Variants in TSC22D1 observed in about 807,000 individuals in gnomAD.
The protein encoded by TSC22D1 is TSC22 domain family protein 1.
Under a neutral mutation model 74.2 loss-of-function variants are expected in TSC22D1, and 9 were observed. The ratio of observed to expected loss-of-function variants is 0.12; its 90% CI spans 0.07 to 0.21. The LOEUF is 0.21. TSC22D1 is among the 10% of genes least tolerant of loss of function. The probability of loss-of-function intolerance (pLI) is 1.00; values close to 1 mark genes in which losing one functional copy is unlikely to be tolerated. For synonymous variants in TSC22D1, 586 were observed against 492.5 expected, an observed-to-expected ratio of 1.19 and a Z score of -2.51; for missense variants, 1,427 against 1,304.7, an observed-to-expected ratio of 1.09 and a Z score of -1.44.
At chr13:44,480,438 T>A (rs1878123875) in intron 1 of TSC22D1, among the ~76,000 whole-genome samples, 1 of 151,234 alleles carries the variant, frequency 6.6e-6, no homozygotes, top group Non-Finnish European at 1.5e-5. Flanking sequence ...AAGATTCTAA[T>A]GAAAGAAATA....
At chr13:44,550,079 A>G (rs973601320) in intron 1 of TSC22D1, among the ~76,000 whole-genome samples, 2 of 152,236 alleles carry the variant, frequency 1.3e-5, no homozygotes, top group African/African-American at 4.8e-5. Flanking sequence ...GTTGCCAAAA[A>G]GAAAATGAAA....
At chr13:44,458,359 T>C (rs1032649498) in intron 1 of TSC22D1, among the ~76,000 whole-genome samples, 1 of 152,230 alleles carries the variant, frequency 6.6e-6, no homozygotes, top group African/African-American at 2.4e-5. Context: ...TAGAGCCTAA[T>C]TCAAATTTCC....
intron 1 of TSC22D1, chr13:44,538,442 G>C (rs1881278978): frequency 1.0e-6 from 1 of 985,184 alleles, no homozygotes; most frequent in South Asian, 4.7e-5. Context: ...ATTTCATTAA[G>C]TTTTCTGGAC....
chr13:44,558,742 AAAAAT>A (rs1389240584), intron 1 of TSC22D1, among the ~76,000 whole-genome samples: 2 of 152,168 alleles, frequency 1.3e-5, no homozygotes, highest in Non-Finnish European at 2.9e-5. Flanking sequence ...TCCATCTCAA[AAAAAT>A]AAAATAAAAT....
chr13:44,575,384 G>A lies in TSC22D1; in HGVS notation c.691C>T (p.His231Tyr). The A allele has an allele frequency of 6.2e-7, 1 of 1,613,992 alleles. No individual in the cohort carries two copies. Among genetic ancestry groups the A allele is most frequent in the Non-Finnish European group, 8.5e-7 (1 of 1,179,958 alleles). Reference sequence around the variant, plus strand: ...GGATGGTGGTGACCATGTTGGAGGTGGTGCCCATGATGAATCTGATGGTGG... The same window carrying A: ...GGATGGTGGTGACCATGTTGGAGGTAGTGCCCATGATGAATCTGATGGTGG... ...HHHHQIHHGHHLQHGHHHPSH... is the reference protein window; with the variant it reads ...HHHHQIHHGHYLQHGHHHPSH... Residue 231 changes from histidine to tyrosine, a missense_variant, in exon 1 of 3, where the codon CAC becomes TAC. Around this residue, in one of 3 missense-constraint regions of TSC22D1, gnomAD observed 1,343 missense variants for 1,191.5 expected, o/e 1.13. Coordinates refer to ENST00000458659, the MANE Select transcript of TSC22D1 (RefSeq NM_183422.4).
At chr13:44,545,398 A>G (rs772747249) in intron 1 of TSC22D1, among the ~76,000 whole-genome samples, 1 of 152,100 alleles carries the variant, frequency 6.6e-6, no homozygotes, top group Non-Finnish European at 1.5e-5. Flanking sequence ...AAAGGCTAGT[A>G]TATGTCATTA....
At position 44,575,835 on chromosome 13, in the gene TSC22D1, C is replaced by T. The variant is rs371487971; in HGVS notation, c.240G>A (p.Pro80=). The change falls in exon 1 of 3, where the codon CCG becomes CCA. Residue 80 remains proline, a synonymous_variant. Coordinates refer to ENST00000458659, the MANE Select transcript of TSC22D1 (RefSeq NM_183422.4). ...AASSTSGPQP[P]PPQSLNLLSQ... ...AAAGGAGGTTCAGGCTTTGTGGAGG[C>T]GGAGGCTGTGGTCCCGACGTAGAAG... 22 of 1,613,730 alleles carry T rather than the reference C, an allele frequency of 1.4e-5. No homozygotes were observed. In the African/African-American group the frequency reaches 2.5e-4, roughly 19 times the overall value.
At chr13:44,509,043 A>G (rs1348378142) in intron 1 of TSC22D1, among the ~76,000 whole-genome samples, 1 of 152,208 alleles carries the variant, frequency 6.6e-6, no homozygotes, top group African/African-American at 2.4e-5. Flanking sequence ...TTAATAAGCC[A>G]TACTCATTGA....
At chr13:44,492,852 A>C (rs569934209) in intron 1 of TSC22D1, among the ~76,000 whole-genome samples, 1 of 152,278 alleles carries the variant, frequency 6.6e-6, no homozygotes, top group South Asian at 2.1e-4. Flanking sequence ...GACAAAAAAA[A>C]CTTCTTAAAA....
In TSC22D1 at chr13:44,434,763, T is replaced by C; in HGVS notation, c.3085A>G (p.Thr1029Ala). 6.2e-7 allele frequency: 1 copy of C among 1,614,028 alleles called. No individual in the cohort carries two copies. The highest frequency in any genetic ancestry group is 1.1e-5 in the South Asian group (1 of 91,078). The change falls in exon 3 of 3, where the codon ACA (threonine) becomes GCA (alanine). Residue 1029 changes from threonine to alanine, a missense_variant. This residue lies in a region of TSC22D1 where 21 missense variants were observed against 62.7 expected (regional missense o/e 0.34). Transcript: ENST00000458659. ...GCAAGCTGCTCAGGACTGGCCAGTG[T>C]CTTCAGCAGATTGTTCTCCTGCTCC... is the stretch of plus-strand genomic sequence containing the variant. ...QLEQENNLLK[T>A]LASPEQLAQF... is the part of the protein sequence containing the mutation.
chr13:44,555,436 T>C (rs1658263769), intron 1 of TSC22D1, among the ~76,000 whole-genome samples: 1 of 151,924 alleles, frequency 6.6e-6, no homozygotes, highest in African/African-American at 2.4e-5. Context: ...GTGAACTCTG[T>C]CTCTACTAAA....
At chr13:44,539,087 T>C in intron 1 of TSC22D1, 1 of 985,310 alleles carries the variant, frequency 1.0e-6, no homozygotes, top group Middle Eastern at 5.2e-4. Flanking sequence ...CTTAATGCCA[T>C]GGGGGAAATC....
At chr13:44,547,047 C>A (rs1881873662) in intron 1 of TSC22D1, among the ~76,000 whole-genome samples, 2 of 151,978 alleles carry the variant, frequency 1.3e-5, no homozygotes. Flanking sequence ...CAGGCATGAG[C>A]CACCACACCA....
Position 44,574,150 on chromosome 13 carries a change from G to T in TSC22D1, c.1925C>A (p.Pro642Gln). The T allele has an allele frequency of 6.2e-7, 1 of 1,614,214 alleles. No homozygotes were observed. Among genetic ancestry groups the T allele is most frequent in the Non-Finnish European group, 8.5e-7 (1 of 1,180,006 alleles). ...QQPMVSTQMAPGHVKSVTQNP... is the reference protein window; with the variant it reads ...QQPMVSTQMAQGHVKSVTQNP... ...TTGAGTCACTGATTTGACATGGCCT[G>T]GGGCCATCTGTGTAGAAACCATTGG... is the stretch of plus-strand genomic sequence containing the variant. Residue 642 changes from proline to glutamine, a missense_variant, in exon 1 of 3, where the codon CCA becomes CAA. Transcript: ENST00000458659.
At chr13:44,539,583 A>C (rs1178626515) in intron 1 of TSC22D1, 2 of 985,274 alleles carry the variant, frequency 2.0e-6, no homozygotes, top group African/African-American at 3.5e-5. Flanking sequence ...TTATCTGGAG[A>C]GAAAATTAAA....
intron 1 of TSC22D1, among the ~76,000 whole-genome samples, chr13:44,438,772 T>C (rs7989089): frequency 0.35 from 52,520 of 151,992 alleles, 9,614 homozygotes; most frequent in Non-Finnish European, 0.41. Context: ...GAAGCTGGCA[T>C]GTGGTCCCTA....
Position 44,574,084 on chromosome 13 carries a change from T to C in TSC22D1, c.1991A>G (p.Gln664Arg). ...GGGCTGTCCGGAGGACATTGCTGTT[T>C]GAAGAATTGGCTGCTGTTGTACATA... ...SEYVQQQPILQTAMSSGQPSS... is the reference protein window; with the variant it reads ...SEYVQQQPILRTAMSSGQPSS... Residue 664 changes from glutamine to arginine, a missense_variant, in exon 1 of 3, where the codon CAA (glutamine) becomes CGA (arginine). Around this residue, in one of 3 missense-constraint regions of TSC22D1, gnomAD observed 1,343 missense variants for 1,191.5 expected, o/e 1.13. Transcript: ENST00000458659. 1 of 1,614,222 alleles carries C rather than the reference T, an allele frequency of 6.2e-7. No individual in the cohort carries two copies.
chr13:44,439,141 T>C (rs1450164668), intron 1 of TSC22D1, among the ~76,000 whole-genome samples: 1 of 152,196 alleles, frequency 6.6e-6, no homozygotes, highest in Non-Finnish European at 1.5e-5. Context: ...TAAGCAACCA[T>C]AGTCTATTTA....
At chr13:44,473,254 G>T (rs1877708492) in intron 1 of TSC22D1, among the ~76,000 whole-genome samples, 1 of 152,142 alleles carries the variant, frequency 6.6e-6, no homozygotes, top group African/African-American at 2.4e-5. Context: ...CAGCACGTTG[G>T]GAGGCCAACG....
Sources: allele counts gnomAD v4.1 joint callset (sites outside exome capture counted in the v4.1 genomes callset), GRCh38; gene constraint gnomAD v4.1.1; regional missense constraint gnomAD v4.1.1; transcripts MANE v1.5; gene names NCBI Gene and HGNC (gene_info 2026-07-23, HGNC 2026-07-21).